Variants in EXOC4 observed in about 807,000 individuals in gnomAD.
EXOC4 encodes the protein exocyst complex component 4.
A neutral mutation model predicts 107.2 loss-of-function variants in EXOC4; 71 were observed. The observed-to-expected ratio is 0.66, with a 90% CI of 0.55 to 0.81. EXOC4 has a LOEUF of 0.81. EXOC4 is among the 30% of genes least tolerant of loss of function. EXOC4 has a pLI of 0.00. For synonymous variants in EXOC4, 456 were observed against 441.2 expected (o/e 1.03, Z -0.42); for missense variants, 1,108 against 1,189.6 (o/e 0.93, Z 1.01).
chr7:133,674,445 G>A (rs1038865906), intron 10 of EXOC4, among the ~76,000 whole-genome samples: 1 of 151,968 alleles, frequency 6.6e-6, no homozygotes, highest in Non-Finnish European at 1.5e-5. Flanking sequence ...TTGTTTTAAG[G>A]TTTGAATTTT....
chr7:133,862,332 C>CA (rs1481304287), intron 11 of EXOC4, among the ~76,000 whole-genome samples: 1 of 151,776 alleles, frequency 6.6e-6, no homozygotes, highest in African/African-American at 2.4e-5. Context: ...ACTAAAAATA[C>CA]AAAAAAATTA....
chr7:133,676,439 A>G (rs1459424607), intron 10 of EXOC4, among the ~76,000 whole-genome samples: 1 of 152,142 alleles, frequency 6.6e-6, no homozygotes, highest in Non-Finnish European at 1.5e-5. Context: ...AAATATTTCA[A>G]TCACATTAGC....
chr7:133,939,799 A>G (rs1045541150), intron 14 of EXOC4, among the ~76,000 whole-genome samples: 5 of 152,224 alleles, frequency 3.3e-5, no homozygotes, highest in African/African-American at 9.6e-5. Context: ...ATAAGGAGGT[A>G]TCCGTAAAGG....
chr7:133,349,600 G>A (rs1795862810), intron 5 of EXOC4, among the ~76,000 whole-genome samples: 1 of 152,116 alleles, frequency 6.6e-6, no homozygotes, highest in Non-Finnish European at 1.5e-5. Context: ...TAGTGATTGT[G>A]AATAATGCTG....
the EXOC4 span, among the ~76,000 whole-genome samples, chr7:134,087,192 C>G: frequency 6.6e-6 from 1 of 152,190 alleles, no homozygotes; most frequent in Non-Finnish European, 1.5e-5. Context: ...ATGCCTCTGA[C>G]ATTTCCCCCC....
At chr7:133,814,178 T>A (rs1797307424) in intron 10 of EXOC4, among the ~76,000 whole-genome samples, 1 of 152,010 alleles carries the variant, frequency 6.6e-6, no homozygotes, top group African/African-American at 2.4e-5. Context: ...ACTTAGTCGT[T>A]TTTTTGAGAC....
chr7:133,740,230 G>A (rs1285419131), intron 10 of EXOC4, among the ~76,000 whole-genome samples: 1 of 152,124 alleles, frequency 6.6e-6, no homozygotes, highest in Non-Finnish European at 1.5e-5. Context: ...AACTTGACAG[G>A]AAGACTTGAT....
chr7:133,961,060 T>A (rs1800931798), intron 14 of EXOC4, among the ~76,000 whole-genome samples: 1 of 152,062 alleles, frequency 6.6e-6, no homozygotes, highest in African/African-American at 2.4e-5. Flanking sequence ...TATCTTGGGT[T>A]ATGCAGGTGA....
At chr7:133,710,962 G>A (rs1481671149) in intron 10 of EXOC4, among the ~76,000 whole-genome samples, 1 of 150,940 alleles carries the variant, frequency 6.6e-6, no homozygotes, top group Non-Finnish European at 1.5e-5. Flanking sequence ...AAATGAATGA[G>A]GGAAGAGATT....
intron 9 of EXOC4, among the ~76,000 whole-genome samples, chr7:133,580,078 TTTCACTTAGCGTAATG>T (rs1801219172): frequency 6.6e-6 from 1 of 152,244 alleles, no homozygotes; most frequent in African/African-American, 2.4e-5. Flanking sequence ...GACTGGCTTA[TTTCACTTAGCGTAATG>T]TTCTCAAAGT....
chr7:133,350,636 GTTC>G (rs929013259), intron 5 of EXOC4, among the ~76,000 whole-genome samples: 1 of 151,978 alleles, frequency 6.6e-6, no homozygotes, highest in Non-Finnish European at 1.5e-5. Flanking sequence ...TTCTAGATTT[GTTC>G]TTCTTTTTCA....
rs945568421 is a variant in EXOC4 at position 133,306,175 on chromosome 7, C to T, written c.656+114C>T. 4.3e-5 allele frequency: 36 copies of T among 839,892 alleles called. No homozygotes were observed. In the Middle Eastern group the frequency reaches 8.4e-4, roughly 19 times the overall value. The allele number at this position is 839,892 out of a possible 1,614,324, so 52.0% of individuals were successfully genotyped here. A position where few individuals can be genotyped will look rare whatever the true frequency, so the allele number is the denominator to read the frequency against. On this transcript the variant is annotated intron_variant, in intron 4 of 17. Coordinates refer to ENST00000253861, the MANE Select transcript of EXOC4 (RefSeq NM_021807.4). ...TTTTACTTTTCCTTTAATGGACTGT[C>T]TCTGAAACTTGAAGATGGTTTTATA...
intron 10 of EXOC4, among the ~76,000 whole-genome samples, chr7:133,689,785 A>G (rs1401137823): frequency 6.6e-6 from 1 of 152,236 alleles, no homozygotes; most frequent in African/African-American, 2.4e-5. Context: ...AGCCAGACTC[A>G]GGTTTGGTCA....
At chr7:133,918,238 C>A (rs1799856267) in intron 13 of EXOC4, among the ~76,000 whole-genome samples, 2 of 152,092 alleles carry the variant, frequency 1.3e-5, no homozygotes, top group African/African-American at 4.8e-5. Context: ...CCTCGGCCTC[C>A]CAAAGTGCTG....
chr7:133,616,542 A>G (rs1386069831), intron 9 of EXOC4, among the ~76,000 whole-genome samples: 2 of 152,156 alleles, frequency 1.3e-5, no homozygotes, highest in Non-Finnish European at 2.9e-5. Flanking sequence ...GAAAATTTTT[A>G]GACTAAAATT....
chr7:133,633,852 A>G (rs909347426), intron 10 of EXOC4, among the ~76,000 whole-genome samples: 1 of 152,004 alleles, frequency 6.6e-6, no homozygotes, highest in African/African-American at 2.4e-5. Flanking sequence ...CAGTGGAGGG[A>G]GAATCCCTTT....
At chr7:133,569,265 G>A (rs181605135) in intron 9 of EXOC4, among the ~76,000 whole-genome samples, 3 of 152,238 alleles carry the variant, frequency 2.0e-5, no homozygotes, top group African/African-American at 7.2e-5. Flanking sequence ...TCATGTCCAC[G>A]AATGTATAAT....
intron 9 of EXOC4, among the ~76,000 whole-genome samples, chr7:133,505,586 A>G (rs1799651365): frequency 1.3e-5 from 2 of 152,112 alleles, no homozygotes; most frequent in Non-Finnish European, 2.9e-5. Context: ...TGTATATTAT[A>G]TGAACCTTCT....
chr7:133,472,413 A>G (rs905583463), intron 7 of EXOC4, among the ~76,000 whole-genome samples: 1 of 152,224 alleles, frequency 6.6e-6, no homozygotes, highest in African/African-American at 2.4e-5. Flanking sequence ...GGATGTGGAA[A>G]TGTATCAAAA....
Sources: allele counts gnomAD v4.1 joint callset (sites outside exome capture counted in the v4.1 genomes callset), GRCh38; gene constraint gnomAD v4.1.1; transcripts MANE v1.5; gene names NCBI Gene and HGNC (gene_info 2026-07-23, HGNC 2026-07-21).